Variants in CETP observed in about 807,000 individuals in gnomAD.
The protein encoded by CETP is cholesteryl ester transfer protein.
CETP carries 56 observed loss-of-function variants against 66.5 expected under a neutral mutation model. The ratio of observed to expected loss-of-function variants is 0.84; its 90% CI spans 0.68 to 1.05. The LOEUF (loss-of-function observed/expected upper bound fraction) is 1.05, where lower values mean the gene tolerates loss of function less well. Ranked by LOEUF, CETP falls within the 50% of genes least tolerant of loss-of-function variation. CETP has a pLI of 0.00. For missense variants in CETP, 612 were observed against 609.6 expected (o/e 1.00, Z -0.04); for synonymous variants, 251 against 245.7 (o/e 1.02, Z -0.20).
At chr16:56,973,310 C>T (rs766142881) in intron 8 of CETP, 21 bp from the exon 9 acceptor site, 5 of 1,613,730 alleles carry the variant, frequency 3.1e-6, no homozygotes, top group African/African-American at 1.3e-5. Context: ...AGGGTCCAGC[C>T]AGCGTCCTGG....
chr16:56,962,959 A>C, intron 1 of CETP, 51 bp from the exon 2 acceptor site: 1 of 1,514,758 alleles, frequency 6.6e-7, no homozygotes, highest in Non-Finnish European at 9.2e-7. Flanking sequence ...GGGTGGGAGC[A>C]GGGGGCTTGG....
intron 2 of CETP, among the ~76,000 whole-genome samples, chr16:56,964,468 C>T (rs1439203563): frequency 6.6e-6 from 1 of 152,220 alleles, no homozygotes; most frequent in African/African-American, 2.4e-5. Context: ...AAACTCAGCT[C>T]AGTATCGGAA....
At chr16:56,963,482 T>A (rs1340651909) in intron 2 of CETP, among the ~76,000 whole-genome samples, 2 of 152,212 alleles carry the variant, frequency 1.3e-5, no homozygotes, top group Admixed American at 6.5e-5. Context: ...TGTTGTTTTC[T>A]TATAGTACAG....
chr16:56,982,257 G>A lies in CETP; in HGVS notation c.1321+20G>A, dbSNP rs1291497124. 6.2e-7 allele frequency: 1 copy of A among 1,612,386 alleles called. No homozygotes were observed. The highest frequency in any genetic ancestry group is 8.5e-7 in the Non-Finnish European group (1 of 1,178,560). On this transcript the variant is annotated intron_variant, in intron 14 of 15. Transcript: ENST00000200676. ...TGTCTCGTAAGTGTGGGCTGGAGGG[G>A]AAACTGGGTGCCGAGGCTGACAGAG...
intron 11 of CETP, among the ~76,000 whole-genome samples, chr16:56,978,631 C>T (rs1406569923): frequency 6.6e-6 from 1 of 151,798 alleles, no homozygotes; most frequent in East Asian, 1.9e-4. Flanking sequence ...CAGACAAACA[C>T]CACCACACCT....
chr16:56,972,180 T>G, intron 8 of CETP, 97 bp downstream of exon 8: 1 of 905,132 alleles, frequency 1.1e-6, no homozygotes. Flanking sequence ...TTCAACCTTA[T>G]GGCAGCCAAG....
intron 11 of CETP, 111 bp from the exon 12 acceptor site, chr16:56,981,047 C>T (rs4784746): frequency 1.2e-6 from 1 of 832,368 alleles, no homozygotes; most frequent in Non-Finnish European, 2.1e-6. Flanking sequence ...CCCGTGTCAT[C>T]CTTGCCTCTC....
At position 56,962,068 on chromosome 16, in the gene CETP, GC is replaced by G; in HGVS notation, c.91del (p.Arg31AlafsTer10). The G allele has an allele frequency of 1.2e-6, 2 of 1,614,090 alleles. No homozygotes were observed. On this transcript the variant is annotated frameshift_variant, in exon 1 of 16. Transcript: ENST00000200676. LOFTEE classifies it high-confidence loss of function. The stretch of plus-strand genomic sequence containing the variant: ...ACCTCGCACGAGGCAGGCATCGTGT[GC>G]CGCATCACCAAGCCTGCCCTCCTGG... The part of the protein sequence containing the change: ...KGTSHEAGIV[C>X]RITKPALLVL...
chr16:56,968,751 C>A (rs9926440), intron 2 of CETP, among the ~76,000 whole-genome samples: 1 of 142,602 alleles, frequency 7.0e-6, no homozygotes, highest in African/African-American at 2.7e-5. Flanking sequence ...TTTTGCCAGT[C>A]TAGCTAAAGG....
At chr16:56,963,162 G>T (rs1184653659) in intron 2 of CETP, 38 bp downstream of exon 2, 1 of 1,535,788 alleles carries the variant, frequency 6.5e-7, no homozygotes, top group South Asian at 1.1e-5. Context: ...CTGGGGGTAG[G>T]GAGGCGGGAG....
chr16:56,967,722 G>T (rs1167780465), intron 2 of CETP, among the ~76,000 whole-genome samples: 8 of 151,648 alleles, frequency 5.3e-5, no homozygotes, highest in Non-Finnish European at 1.2e-4. Context: ...ATTGGAGATT[G>T]TAGTAGGGTC....
chr16:56,982,349 T>C (rs1444329476), intron 14 of CETP, 112 bp downstream of exon 14: 2 of 1,023,446 alleles, frequency 2.0e-6, no homozygotes, highest in African/African-American at 3.1e-5. Context: ...CAGTCATTGA[T>C]ACTTAGCGGT....
intron 11 of CETP, among the ~76,000 whole-genome samples, chr16:56,979,695 C>T (rs569753571): frequency 6.3e-4 from 96 of 152,086 alleles, no homozygotes; most frequent in African/African-American, 2.1e-3. Flanking sequence ...TTAGTAGAGG[C>T]GGGGTTTCAC....
intron 10 of CETP, among the ~76,000 whole-genome samples, chr16:56,976,849 C>G (rs1395055274): frequency 6.6e-6 from 1 of 152,056 alleles, no homozygotes; most frequent in African/African-American, 2.4e-5. Flanking sequence ...ATTCTTTTTA[C>G]AGCTGTGTCT....
chr16:56,981,004 C>G (rs907221968), intron 11 of CETP, among the ~76,000 whole-genome samples, 154 bp from the exon 12 acceptor site: 1 of 152,206 alleles, frequency 6.6e-6, no homozygotes, highest in Non-Finnish European at 1.5e-5. Context: ...GAACTTTCCT[C>G]GGTTTTCAGA....
At chr16:56,964,263 G>A (rs1401667410) in intron 2 of CETP, among the ~76,000 whole-genome samples, 1 of 152,130 alleles carries the variant, frequency 6.6e-6, no homozygotes, top group Non-Finnish European at 1.5e-5. Context: ...CTGACCTCAA[G>A]TGATCCACCC....
At chr16:56,966,933 ACT>A (rs1361618095) in intron 2 of CETP, among the ~76,000 whole-genome samples, 1 of 151,052 alleles carries the variant, frequency 6.6e-6, no homozygotes, top group African/African-American at 2.4e-5. Flanking sequence ...GTTTTCACTT[ACT>A]CTCTAATGTC....
rs773654189 is a variant in CETP at position 56,961,961 on chromosome 16, A to G, written c.-19A>G. 2 of 1,604,908 alleles carry G rather than the reference A, an allele frequency of 1.2e-6. No individual in the cohort carries two copies. Among genetic ancestry groups the G allele is most frequent in the Non-Finnish European group, 1.7e-6 (2 of 1,171,852 alleles). ...AGGCTGAACGGCTCGGGCCACTTAC[A>G]CACCACTGCCTGATAACCATGCTGG... On this transcript the variant is annotated 5_prime_UTR_variant, in exon 1 of 16. Coordinates refer to ENST00000200676, the MANE Select transcript of CETP (RefSeq NM_000078.3).
chr16:56,975,040 G>C, intron 9 of CETP, 61 bp from the exon 10 acceptor site: 1 of 1,535,754 alleles, frequency 6.5e-7, no homozygotes. Flanking sequence ...TCCCTGCGAA[G>C]TTTTCTTCTG....
Sources: allele counts gnomAD v4.1 joint callset (sites outside exome capture counted in the v4.1 genomes callset), GRCh38; gene constraint gnomAD v4.1.1; transcripts MANE v1.5; gene names NCBI Gene and HGNC (gene_info 2026-07-23, HGNC 2026-07-21).